Variants in GLIS1 observed in about 807,000 individuals in gnomAD.
GLIS1 encodes zinc finger protein GLIS1.
GLIS1 carries 24 observed loss-of-function variants against 63.8 expected under a neutral mutation model. The ratio of observed to expected loss-of-function variants is 0.38; its 90% CI spans 0.27 to 0.53. The LOEUF (loss-of-function observed/expected upper bound fraction) is 0.53, where lower values mean the gene tolerates loss of function less well. Ranked by LOEUF, GLIS1 falls within the 20% of genes least tolerant of loss-of-function variation. The pLI is 0.85. For synonymous variants in GLIS1, 450 were observed against 482.5 expected, an observed-to-expected ratio of 0.93 and a Z score of 0.88; for missense variants, 1,036 against 1,074.1, an observed-to-expected ratio of 0.96 and a Z score of 0.50.
intron 5 of GLIS1, 80 bp downstream of exon 5, chr1:53,529,711 G>A: frequency 2.1e-6 from 3 of 1,446,826 alleles, no homozygotes; most frequent in Admixed American, 1.8e-5. Context: ...TACAGGGTAA[G>A]GCAGGGGCTC....
At chr1:53,645,073 G>C (rs1411335301) in intron 2 of GLIS1, among the ~76,000 whole-genome samples, 1 of 152,274 alleles carries the variant, frequency 6.6e-6, no homozygotes, top group South Asian at 2.1e-4. Flanking sequence ...ACAAACGCAC[G>C]CCAGCCACAC....
In GLIS1 at chr1:53,506,904, G is replaced by A. The variant is rs1406378399; in HGVS notation, c.2231-128C>T. 9 of 959,540 alleles carry A rather than the reference G, an allele frequency of 9.4e-6. No individual in the cohort carries two copies. The East Asian group carries it at 2.1e-4, about 23-fold the overall frequency. The allele number at this position is 959,540 out of a possible 1,614,324, so 59.4% of individuals were successfully genotyped here. A position where few individuals can be genotyped will look rare whatever the true frequency, so the allele number is the denominator to read the frequency against. Reference sequence around the variant, plus strand: ...TCACAGTGTCCCGTCGGTGGGGCCTGCTTGGAGCCCCCAACTTTTCCAAAT... The same window carrying A: ...TCACAGTGTCCCGTCGGTGGGGCCTACTTGGAGCCCCCAACTTTTCCAAAT... On this transcript the variant is annotated intron_variant, in intron 10 of 10. Transcript: ENST00000628545.
intron 5 of GLIS1, 106 bp downstream of exon 5, chr1:53,529,685 C>T: frequency 8.2e-7 from 1 of 1,218,164 alleles, no homozygotes; most frequent in Non-Finnish European, 1.2e-6. Context: ...TCTCCTGCCC[C>T]AAACATCGGT....
In GLIS1 at chr1:53,598,848, C is replaced by T. The variant is rs1337654824; in HGVS notation, c.437+1253G>A. ...GGAAAATGGTTGCACTTGGGAAGAA[C>T]AGCATCCTTCTATTTAGGAATTTAT... On this transcript the variant is annotated intron_variant, in intron 3 of 10. Coordinates refer to ENST00000628545, the MANE Select transcript of GLIS1 (RefSeq NM_001367484.1). The surrounding 1 kb of genome is among the most constrained non-coding windows in gnomAD (Gnocchi z 4.6). Among the ~76,000 whole-genome samples the T allele has an allele frequency of 1.3e-5, 2 of 152,202 alleles. No individual in the cohort carries two copies. Among genetic ancestry groups the T allele is most frequent in the Admixed American group, 1.3e-4 (2 of 15,278 alleles).
At chr1:53,670,029 G>A (rs1646135285) in intron 2 of GLIS1, among the ~76,000 whole-genome samples, 2 of 152,344 alleles carry the variant, frequency 1.3e-5, no homozygotes, top group African/African-American at 4.8e-5. Flanking sequence ...TTACTGGTCT[G>A]GCTTTTTATC....
chr1:53,517,378 G>A (rs760145781), intron 7 of GLIS1, among the ~76,000 whole-genome samples: 6 of 152,192 alleles, frequency 3.9e-5, no homozygotes, highest in Non-Finnish European at 7.3e-5. Flanking sequence ...CCCAGCTTGG[G>A]GGAAGGTGCC....
intron 2 of GLIS1, among the ~76,000 whole-genome samples, chr1:53,689,675 G>C (rs1441723511): frequency 1.3e-5 from 2 of 152,194 alleles, no homozygotes; most frequent in African/African-American, 4.8e-5. Flanking sequence ...CCTGTGTGAT[G>C]CTAGGCAAAC....
intron 6 of GLIS1, among the ~76,000 whole-genome samples, chr1:53,521,166 G>A (rs1400668491): frequency 6.6e-6 from 1 of 152,154 alleles, no homozygotes. Context: ...CTCCTAGGAA[G>A]ACTCTGCCTC....
intron 2 of GLIS1, among the ~76,000 whole-genome samples, chr1:53,695,493 C>A (rs114369746): frequency 0.019 from 2,905 of 152,336 alleles, 33 homozygotes; most frequent in Non-Finnish European, 0.027. Flanking sequence ...GCTGGGAGCT[C>A]CCTGAAGGCA....
At chr1:53,661,849 C>T (rs1324903997) in intron 2 of GLIS1, among the ~76,000 whole-genome samples, 1 of 152,202 alleles carries the variant, frequency 6.6e-6, no homozygotes, top group Admixed American at 6.5e-5. Context: ...GATGAGAACT[C>T]AGTGAAGAGT....
chr1:53,680,455 G>A (rs901998559), intron 2 of GLIS1, among the ~76,000 whole-genome samples: 9 of 152,228 alleles, frequency 5.9e-5, no homozygotes, highest in African/African-American at 2.2e-4. Context: ...TCCTGACAGA[G>A]CTGTGTCACC....
rs114064803 is a variant in GLIS1, at chr1:53,629,379, C to T, written c.260-29101G>A. ...GTTGCTATCACTCTGTAGCATCATG[C>T]GGCACAGATGGCCCCAGCTGTTCCT... On this transcript the variant is annotated intron_variant, in intron 2 of 10. Coordinates refer to ENST00000628545, the MANE Select transcript of GLIS1 (RefSeq NM_001367484.1). Among the ~76,000 whole-genome samples the T allele has an allele frequency of 7.8e-3, 1,192 of 152,292 alleles. 26 individuals carry two copies. Among genetic ancestry groups the T allele is most frequent in the African/African-American group, 0.028 (1,161 of 41,536 alleles).
intron 4 of GLIS1, among the ~76,000 whole-genome samples, chr1:53,552,150 C>G (rs1644766622): frequency 6.6e-6 from 1 of 152,142 alleles, no homozygotes; most frequent in Admixed American, 6.5e-5. Context: ...CACACACACA[C>G]TGACTGTCAC....
At chr1:53,587,510 C>G (rs777991673) in intron 4 of GLIS1, among the ~76,000 whole-genome samples, 10 of 152,128 alleles carry the variant, frequency 6.6e-5, no homozygotes, top group African/African-American at 1.2e-4. Context: ...TCCAGGGCAG[C>G]TTTTTGATTT....
intron 2 of GLIS1, among the ~76,000 whole-genome samples, chr1:53,611,225 T>C (rs1328483407): frequency 6.6e-6 from 1 of 152,128 alleles, no homozygotes; most frequent in Admixed American, 6.5e-5. Context: ...GCTGAGATTA[T>C]AGGCAACACA....
chr1:53,700,573 G>A, intron 2 of GLIS1, among the ~76,000 whole-genome samples: 1 of 152,132 alleles, frequency 6.6e-6, no homozygotes, highest in East Asian at 1.9e-4. Flanking sequence ...AGGGGTGGAG[G>A]GGTCAGATCC....
At chr1:53,551,142 C>T (rs904080234) in intron 4 of GLIS1, among the ~76,000 whole-genome samples, 9 of 152,110 alleles carry the variant, frequency 5.9e-5, no homozygotes, top group South Asian at 2.1e-4. Context: ...CCACTGCGCC[C>T]GGCCAGTGAT....
intron 4 of GLIS1, among the ~76,000 whole-genome samples, chr1:53,580,507 G>T (rs1450806374): frequency 1.3e-5 from 2 of 152,186 alleles, no homozygotes; most frequent in Non-Finnish European, 2.9e-5. Flanking sequence ...AGGAATCGCA[G>T]GAACTAATTA....
At chr1:53,631,025 T>C (rs1253981989) in intron 2 of GLIS1, among the ~76,000 whole-genome samples, 2 of 152,260 alleles carry the variant, frequency 1.3e-5, no homozygotes, top group Admixed American at 1.3e-4. Context: ...CTTTTTAATG[T>C]AGTAAGGATA....
Sources: gnomAD v4.1 joint callset for allele counts (sites outside exome capture counted in the v4.1 genomes callset) on GRCh38, gnomAD v4.1.1 for gene constraint, Gnocchi (gnomAD v3.1) non-coding constraint, MANE v1.5 for transcripts, NCBI Gene and HGNC (gene_info 2026-07-23, HGNC 2026-07-21) for gene names.